Variants in SLC2A9 observed in about 807,000 individuals in gnomAD.
SLC2A9 encodes the protein solute carrier family 2 member 9.
Under a neutral mutation model 50.6 loss-of-function variants are expected in SLC2A9, and 39 were observed. The ratio of observed to expected loss-of-function variants is 0.77; its 90% confidence interval spans 0.60 to 1.01. The LOEUF is 1.01. Among genes scored for constraint, SLC2A9 ranks in the 50% least tolerant of loss-of-function variants. The pLI is 0.00. For synonymous variants in SLC2A9, 324 were observed against 276.9 expected (o/e 1.17, Z -1.69); for missense variants, 686 against 677.6 (o/e 1.01, Z -0.14).
At chr4:9,865,080 C>T (rs545891625) in intron 10 of SLC2A9, among the ~76,000 whole-genome samples, 1 of 152,206 alleles carries the variant, frequency 6.6e-6, no homozygotes, top group Non-Finnish European at 1.5e-5. Context: ...GAGGTGGAGC[C>T]AGACTGGTCT....
intron 10 of SLC2A9, among the ~76,000 whole-genome samples, chr4:9,855,325 C>T (rs933262125): frequency 1.3e-5 from 2 of 152,160 alleles, no homozygotes; most frequent in African/African-American, 4.8e-5. Context: ...AACATCCAAG[C>T]TGAGCACAAG....
At chr4:9,786,445 G>GT (rs1336406028) in intron 3 of SLC2A9, among the ~76,000 whole-genome samples, 2 of 152,162 alleles carry the variant, frequency 1.3e-5, no homozygotes, top group African/African-American at 4.8e-5. Flanking sequence ...AGGACATTCA[G>GT]TTTTTTGTTC....
At chr4:9,914,117 C>T (rs11722228) in intron 7 of SLC2A9, among the ~76,000 whole-genome samples, 49,285 of 152,034 alleles carry the variant, frequency 0.32, 8,169 homozygotes, top group Middle Eastern at 0.37. Flanking sequence ...CCTGATCATC[C>T]CAAACATTTC....
At chr4:10,029,548 A>ATATTTTATTT (rs60939014) in intron 1 of SLC2A9, among the ~76,000 whole-genome samples, 61,169 of 123,600 alleles carry the variant, frequency 0.49, 15,069 homozygotes, top group South Asian at 0.59. Flanking sequence ...AATTTTTTAA[A>ATATTTTATTT]TATTTTATTT....
At chr4:10,030,708 T>A (rs1763916020) in intron 1 of SLC2A9, among the ~76,000 whole-genome samples, 1 of 152,214 alleles carries the variant, frequency 6.6e-6, no homozygotes, top group Non-Finnish European at 1.5e-5. Context: ...CTGGCTTTCG[T>A]GTTTTGAGAA....
intron 5 of SLC2A9, among the ~76,000 whole-genome samples, chr4:9,968,499 G>A (rs1211402075): frequency 6.6e-6 from 1 of 152,110 alleles, no homozygotes; most frequent in Non-Finnish European, 1.5e-5. Flanking sequence ...GAAAAGCAAT[G>A]TTTCTTTTTT....
At chr4:9,774,635 T>C (rs1717294620) in intron 1 of SLC2A9, among the ~76,000 whole-genome samples, 1 of 152,182 alleles carries the variant, frequency 6.6e-6, no homozygotes, top group African/African-American at 2.4e-5. Flanking sequence ...GGGTAACTTA[T>C]TGACTTTTGT....
At chr4:9,848,699 CTTTTT>C (rs147201182) in intron 10 of SLC2A9, among the ~76,000 whole-genome samples, 3 of 130,892 alleles carry the variant, frequency 2.3e-5, no homozygotes, top group African/African-American at 5.8e-5. Context: ...AGTGGAAATT[CTTTTT>C]TTTTTTTTTT....
exon 4 of SLC2A9, chr4:9,799,208 T>C (rs1481449067): frequency 6.6e-6 from 1 of 152,230 alleles, no homozygotes; most frequent in Non-Finnish European, 1.5e-5. Flanking sequence ...CACCCGATGG[T>C]CTCCATGATC....
intron 3 of SLC2A9, among the ~76,000 whole-genome samples, chr4:9,800,456 G>A (rs1221004294): frequency 1.3e-5 from 2 of 152,202 alleles, no homozygotes; most frequent in Non-Finnish European, 2.9e-5. Flanking sequence ...ATGATGTGAA[G>A]CCACAGAAAG....
chr4:9,797,362 G>T (rs1028125797), downstream of SLC2A9, among the ~76,000 whole-genome samples: 20 of 152,178 alleles, frequency 1.3e-4, no homozygotes, highest in African/African-American at 4.8e-4. Context: ...GCTAAGCCTA[G>T]AACCAAACCT....
intron 10 of SLC2A9, among the ~76,000 whole-genome samples, chr4:9,850,121 G>C (rs1011410891): frequency 2.6e-5 from 4 of 152,066 alleles, no homozygotes; most frequent in Non-Finnish European, 5.9e-5. Context: ...AACCCTGCAC[G>C]GGGCTGCTGA....
intron 3 of SLC2A9, among the ~76,000 whole-genome samples, chr4:9,991,492 T>C (rs892318819): frequency 2.6e-5 from 4 of 152,122 alleles, no homozygotes; most frequent in Non-Finnish European, 4.4e-5. Flanking sequence ...GCTGGGGCCA[T>C]CTTGCACCTC....
At chr4:10,001,318 G>A (rs1360321937) in intron 2 of SLC2A9, among the ~76,000 whole-genome samples, 1 of 152,152 alleles carries the variant, frequency 6.6e-6, no homozygotes, top group African/African-American at 2.4e-5. Flanking sequence ...TGATAAAAAG[G>A]GGAAATGTGG....
At chr4:9,956,550 T>C (rs938751078) in intron 5 of SLC2A9, among the ~76,000 whole-genome samples, 9 of 152,126 alleles carry the variant, frequency 5.9e-5, no homozygotes, top group African/African-American at 2.2e-4. Context: ...CCTCCACCTA[T>C]GAGCCTCTTC....
chr4:9,940,326 C>A (rs1317473473), intron 6 of SLC2A9, among the ~76,000 whole-genome samples: 3 of 152,200 alleles, frequency 2.0e-5, no homozygotes. Context: ...TGGGAAGTCA[C>A]CCGGTACAAT....
chr4:10,022,802 A>C (rs1763595418), upstream of SLC2A9, among the ~76,000 whole-genome samples: 1 of 152,198 alleles, frequency 6.6e-6, no homozygotes, highest in East Asian at 1.9e-4. Flanking sequence ...CCTGACATGC[A>C]CGGTGGTGGG....
chr4:9,887,889 C>T (rs963351102), intron 9 of SLC2A9, among the ~76,000 whole-genome samples: 1 of 152,282 alleles, frequency 6.6e-6, no homozygotes, highest in Non-Finnish European at 1.5e-5. Context: ...TCCTGGCATA[C>T]AGGAAGTGGT....
At chr4:9,788,803 G>C (rs757935287) in intron 3 of SLC2A9, among the ~76,000 whole-genome samples, 1 of 152,084 alleles carries the variant, frequency 6.6e-6, no homozygotes, top group Non-Finnish European at 1.5e-5. Flanking sequence ...ATTATTCTTT[G>C]AGTAGTTTTT....
Sources: allele counts gnomAD v4.1 joint callset (sites outside exome capture counted in the v4.1 genomes callset), GRCh38; gene constraint gnomAD v4.1.1; transcripts MANE v1.5; gene names NCBI Gene and HGNC (gene_info 2026-07-23, HGNC 2026-07-21).